Variants in GSN observed in about 807,000 individuals in gnomAD.
GSN encodes the protein gelsolin, also known as actin-depolymerizing factor.
In GSN, 56 loss-of-function variants were observed where a neutral mutation model predicts 85.7. The ratio of observed to expected loss-of-function variants is 0.65; its 90% CI spans 0.53 to 0.82. GSN has a LOEUF of 0.82. Among genes scored for constraint, GSN ranks in the 40% least tolerant of loss-of-function variants. The probability of loss-of-function intolerance (pLI) is 0.00; values close to 1 mark genes in which losing one functional copy is unlikely to be tolerated. For missense variants in GSN, 857 were observed against 979.8 expected, an observed-to-expected ratio of 0.87 and a Z score of 1.67; for synonymous variants, 373 against 399.1, an observed-to-expected ratio of 0.93 and a Z score of 0.78.
chr9:121,205,976 T>C (rs944966600), upstream of GSN, among the ~76,000 whole-genome samples: 1 of 152,052 alleles, frequency 6.6e-6, no homozygotes, highest in Non-Finnish European at 1.5e-5. Context: ...TTATCTTGAA[T>C]TGGAGATTCC....
chr9:121,227,404 A>AAG (rs1036090172), intron 4 of GSN, among the ~76,000 whole-genome samples: 1 of 151,966 alleles, frequency 6.6e-6, no homozygotes, highest in Non-Finnish European at 1.5e-5. Flanking sequence ...AAAAAAAAAA[A>AAG]AGAGAGAGAG....
intron 4 of GSN, among the ~76,000 whole-genome samples, chr9:121,228,298 C>T (rs1446193658): frequency 6.7e-6 from 1 of 150,308 alleles, no homozygotes; most frequent in Non-Finnish European, 1.5e-5. Flanking sequence ...CAAATATTTA[C>T]TTATTTGATC....
chr9:121,281,909 C>T (rs1417384219), intron 2 of GSN: 3 of 471,240 alleles, frequency 6.4e-6, no homozygotes, highest in East Asian at 1.4e-4. Flanking sequence ...AGCAGAGTCC[C>T]CATAAAGAGG....
intron 7 of GSN, among the ~76,000 whole-genome samples, chr9:121,316,253 G>C (rs571203357): frequency 6.6e-6 from 1 of 152,244 alleles, no homozygotes; most frequent in East Asian, 1.9e-4. Flanking sequence ...TGTAAAGATA[G>C]TACAAAGAGT....
chr9:121,259,600 G>A (rs2055038430), intron 6 of GSN, among the ~76,000 whole-genome samples: 1 of 152,178 alleles, frequency 6.6e-6, no homozygotes, highest in Admixed American at 6.5e-5. Context: ...GTTCAGGTGG[G>A]AAGGGGATGA....
chr9:121,204,139 C>A (rs924471245), upstream of GSN, among the ~76,000 whole-genome samples: 4 of 152,170 alleles, frequency 2.6e-5, no homozygotes, highest in African/African-American at 4.8e-5. Context: ...TACTATGTAC[C>A]AGCAACTGTC....
At chr9:121,245,461 A>G (rs543538774) in intron 5 of GSN, among the ~76,000 whole-genome samples, 36 of 152,272 alleles carry the variant, frequency 2.4e-4, no homozygotes, top group African/African-American at 8.7e-4. Context: ...GGCTCAAGCA[A>G]TCCTCATGCC....
chr9:121,322,667 C>A (rs147557897), intron 11 of GSN, among the ~76,000 whole-genome samples: 373 of 152,298 alleles, frequency 2.4e-3, no homozygotes, highest in Non-Finnish European at 4.1e-3. Context: ...CACCAAGCAA[C>A]CTGTGAGAGT....
At chr9:121,209,900 A>T (rs2053942950) in intron 2 of GSN, among the ~76,000 whole-genome samples, 1 of 152,222 alleles carries the variant, frequency 6.6e-6, no homozygotes, top group South Asian at 2.1e-4. Flanking sequence ...AGAGATGAAG[A>T]ATGAGAAACA....
intron 5 of GSN, chr9:121,238,713 C>T: frequency 2.6e-6 from 1 of 386,848 alleles, no homozygotes. Flanking sequence ...GAACAGTTGC[C>T]AACCAGTATC....
chr9:121,248,613 A>G (rs2054750814), intron 6 of GSN, among the ~76,000 whole-genome samples: 1 of 152,184 alleles, frequency 6.6e-6, no homozygotes, highest in Middle Eastern at 3.2e-3. Context: ...GTGTATCCAA[A>G]GCTAAAAATG....
rs766507787 is a variant in GSN at position 121,328,981 on chromosome 9, T to A, written c.1853T>A (p.Leu618His). Residue 618 changes from leucine to histidine, a missense_variant, in exon 15 of 18, where the codon CTC becomes CAC. By Grantham distance (99) the Leu-to-His change is moderately conservative. Transcript: ENST00000432226. ...DKKMDAHPPRLFACSNKIGRF... is the reference protein window; with the variant it reads ...DKKMDAHPPRHFACSNKIGRF... Reference sequence around the variant, plus strand: ...AAGATGGATGCCCATCCTCCTCGCCTCTTTGCCTGCTCCAACAAGATTGGA... The same window carrying A: ...AAGATGGATGCCCATCCTCCTCGCCACTTTGCCTGCTCCAACAAGATTGGA... 6.2e-7 allele frequency: 1 copy of A among 1,614,024 alleles called. No homozygotes were observed. The highest frequency in any genetic ancestry group is 1.7e-5 in the Admixed American group (1 of 60,026).
Position 121,239,724 on chromosome 9 carries a change from C to T in GSN, c.-389+8421C>T, listed in dbSNP as rs897198401. On this transcript the variant is annotated intron_variant, in intron 5 of 24. Coordinates refer to the GSN transcript ENST00000373823. ...AGGACCTCTGTCAATGGGTTTTTCC[C>T]GATCCAACTAATACCCAACAAAGCA... 6.5e-5 allele frequency: 20 copies of T among 306,322 alleles called. 1 individual carries two copies. The highest frequency in any genetic ancestry group is 3.8e-4 in the South Asian group (11 of 28,688). 19.0% of individuals were successfully genotyped at this position (306,322 alleles called of 1,614,324 possible).
At chr9:121,253,385 T>G (rs2054880450) in intron 6 of GSN, among the ~76,000 whole-genome samples, 1 of 152,192 alleles carries the variant, frequency 6.6e-6, no homozygotes, top group Non-Finnish European at 1.5e-5. Context: ...GGTTTGAGCT[T>G]GTTCAGTTCA....
At chr9:121,296,139 T>C (rs2059199637) in intron 2 of GSN, among the ~76,000 whole-genome samples, 1 of 152,196 alleles carries the variant, frequency 6.6e-6, no homozygotes, top group African/African-American at 2.4e-5. Flanking sequence ...GCTTGATTGA[T>C]TTAGCCTGTT....
intron 4 of GSN, chr9:121,310,408 G>A (rs916736684): frequency 8.4e-6 from 4 of 476,156 alleles, no homozygotes; most frequent in South Asian, 6.3e-5. Flanking sequence ...TCAAAGGGGT[G>A]GCAGAAAGAT....
intron 2 of GSN, chr9:121,282,437 A>G: frequency 1.5e-6 from 2 of 1,293,032 alleles, no homozygotes; most frequent in Non-Finnish European, 2.0e-6. Flanking sequence ...TTCTGCCAAA[A>G]GGAGAAGGGG....
Position 121,317,121 on chromosome 9 carries a change from C to G in GSN, c.789C>G (p.Leu263=). Residue 263 remains leucine (L), a synonymous_variant, in exon 8 of 18, where the codon CTC becomes CTG. Transcript: ENST00000432226. ...GTGCAGGGACCATGTCCGTCTCCCT[C>G]GTGGCTGATGAGAACCCCTTCGCCC... is the stretch of plus-strand genomic sequence containing the variant. ...SNGAGTMSVS[L]VADENPFAQG... 1 of 1,614,152 alleles carries G rather than the reference C, an allele frequency of 6.2e-7. No homozygotes were observed. The highest frequency in any genetic ancestry group is 8.5e-7 in the Non-Finnish European group (1 of 1,179,990).
In GSN at chr9:121,331,462, T is replaced by A; in HGVS notation, c.2026+14T>A. ...CCTTGACTTCTGGTGAGGACCCGAGTGCCTGGGGGCGGGGGGAGGGGTCCG... is the reference window on the plus strand; with the variant it reads ...CCTTGACTTCTGGTGAGGACCCGAGAGCCTGGGGGCGGGGGGAGGGGTCCG... On this transcript the variant is annotated intron_variant, in intron 17 of 17. Transcript: ENST00000432226. The A allele has an allele frequency of 2.3e-6, 2 of 880,964 alleles. No individual in the cohort carries two copies. Among genetic ancestry groups the A allele is most frequent in the Non-Finnish European group, 1.7e-6 (1 of 589,346 alleles). 54.6% of individuals were successfully genotyped at this position (880,964 alleles called of 1,614,324 possible). A position where few individuals can be genotyped will look rare whatever the true frequency, so the allele number is the denominator to read the frequency against.
Sources: gnomAD v4.1 joint callset for allele counts (sites outside exome capture counted in the v4.1 genomes callset) on GRCh38, gnomAD v4.1.1 for gene constraint, MANE v1.5 for transcripts, NCBI Gene and HGNC (gene_info 2026-07-23, HGNC 2026-07-21) for gene names.